Variants in AKR7A3 observed in about 807,000 individuals in gnomAD.
The protein encoded by AKR7A3 is aldo-keto reductase family 7 member A3.
In AKR7A3, 37 loss-of-function variants were observed where a neutral mutation model predicts 32.5. The ratio of observed to expected loss-of-function variants is 1.14; its 90% CI spans 0.88 to 1.50. AKR7A3 has a LOEUF of 1.50. Among genes scored for constraint, AKR7A3 ranks in the 40% most tolerant of loss-of-function variants. AKR7A3 has a pLI of 0.00. For missense variants in AKR7A3, 412 were observed against 453.2 expected (o/e 0.91, Z 0.83); for synonymous variants, 177 against 188.4 (o/e 0.94, Z 0.50).
At chr1:19,285,806 C>T (rs2093728526) in intron 3 of AKR7A3, 82 bp downstream of exon 3, 3 of 1,553,934 alleles carry the variant, frequency 1.9e-6, no homozygotes, top group African/African-American at 1.4e-5. Context: ...GCAGAGGGCA[C>T]AGGGGGCAGT....
At chr1:19,287,261 C>A (rs571244693) in intron 1 of AKR7A3, among the ~76,000 whole-genome samples, 1 of 150,028 alleles carries the variant, frequency 6.7e-6, no homozygotes, top group Non-Finnish European at 1.5e-5. Flanking sequence ...TGAGCCCTAT[C>A]GCACCACTCC....
chr1:19,285,133 CG>C lies in AKR7A3; in HGVS notation c.508-20del, dbSNP rs768463921. 47 of 1,612,462 alleles carry C rather than the reference CG, an allele frequency of 2.9e-5. No individual in the cohort carries two copies. In the Admixed American group the frequency reaches 4.5e-4, roughly 15 times the overall value. On this transcript the variant is annotated intron_variant, in intron 3 of 6. Coordinates refer to ENST00000361640, the MANE Select transcript of AKR7A3 (RefSeq NM_012067.3). ...ACATGCCCTGTAAGGAGAGGGGCCC[CG>C]GGGGAGAGGGTGGATGTGTCAAAAG...
At chr1:19,274,341 A>G in the AKR7A3 span, 1 of 564,532 alleles carries the variant, frequency 1.8e-6, no homozygotes, top group Non-Finnish European at 2.8e-6. Context: ...AGATTTTAAC[A>G]CTCCTCAAGT....
chr1:19,278,518 G>A (rs984261277), downstream of AKR7A3, among the ~76,000 whole-genome samples: 6 of 151,412 alleles, frequency 4.0e-5, no homozygotes, highest in Admixed American at 1.3e-4. Context: ...CCAAGATCGC[G>A]CCACTGCACT....
At chr1:19,275,505 G>T in the AKR7A3 span, among the ~76,000 whole-genome samples, 13 of 151,526 alleles carry the variant, frequency 8.6e-5, no homozygotes. Context: ...GACAAAGTAG[G>T]TTTCAAAACA....
At chr1:19,282,434 T>C, downstream of AKR7A3, 2 of 449,142 alleles carry the variant, frequency 4.5e-6, no homozygotes, top group Non-Finnish European at 8.1e-6. Context: ...CCTGAGGCCC[T>C]CACCAAGAGC....
chr1:19,284,993 A>T (rs59348345), intron 4 of AKR7A3, 25 bp downstream of exon 4: 142,541 of 1,611,606 alleles, frequency 0.088, 7,852 homozygotes, highest in African/African-American at 0.21. Context: ...ATAGGCTGAG[A>T]CAGGGCCAGG....
Position 19,286,292 on chromosome 1 carries a change from G to C in AKR7A3, c.295C>G (p.Leu99Val), listed in dbSNP as rs1390302410. 1.9e-6 allele frequency: 3 copies of C among 1,613,836 alleles called. No individual in the cohort carries two copies. In the African/African-American group the frequency reaches 4.0e-5, roughly 22 times the overall value. Residue 99 changes from leucine to valine, a missense_variant, in exon 2 of 7, where the codon CTG (leucine) becomes GTG (valine). By Grantham distance (32) the Leu-to-Val change is conservative. Coordinates refer to ENST00000361640, the MANE Select transcript of AKR7A3 (RefSeq NM_012067.3). ...DSLRFQLETS[L>V]KRLQCPRVDL... ...ACTCGGGGACACTGCAGCCGCTTCAGTGACGTCTCCAGCTGGAACCGGAGA... is the reference window on the plus strand; with the variant it reads ...ACTCGGGGACACTGCAGCCGCTTCACTGACGTCTCCAGCTGGAACCGGAGA...
At position 19,284,415 on chromosome 1, in the gene AKR7A3, A is replaced by C. The variant is rs1402992972; in HGVS notation, c.704+271T>G. ...CAGGACTCAGCCCCAGGCCTCCTGG[A>C]CCTCCCTCCAGAGCTCCTTCTTTCC... On this transcript the variant is annotated intron_variant, in intron 5 of 6. Transcript: ENST00000361640. Among the ~76,000 whole-genome samples the C allele has an allele frequency of 9.9e-5, 15 of 151,886 alleles. No homozygotes were observed. The East Asian group carries it at 1.9e-3, about 20-fold the overall frequency.
At chr1:19,280,760 C>A (rs531530199), downstream of AKR7A3, among the ~76,000 whole-genome samples, 2 of 151,314 alleles carry the variant, frequency 1.3e-5, no homozygotes, top group Non-Finnish European at 2.9e-5. Context: ...TCAGTAGAGA[C>A]GGGGTTTCAC....
chr1:19,288,592 G>A lies in AKR7A3; in HGVS notation c.118C>T (p.His40Tyr), dbSNP rs777710703. The change falls in exon 1 of 7, where the codon CAC (histidine) becomes TAC (tyrosine). Residue 40 changes from histidine (H) to tyrosine (Y), a missense_variant. Physicochemically the swap from His to Tyr is moderately conservative, Grantham distance 83. Coordinates refer to ENST00000361640, the MANE Select transcript of AKR7A3 (RefSeq NM_012067.3). Reference sequence around the variant, plus strand: ...ACGAAGGCCGTGTCTATCTCGGTGTGGCCGCGCTCCAGGAAGGCGCGCGTG... The same window carrying A: ...ACGAAGGCCGTGTCTATCTCGGTGTAGCCGCGCTCCAGGAAGGCGCGCGTG... ...AVTRAFLERG[H>Y]TEIDTAFVYS... 6.2e-7 allele frequency: 1 copy of A among 1,600,228 alleles called. No homozygotes were observed. The highest frequency in any genetic ancestry group is 8.5e-7 in the Non-Finnish European group (1 of 1,175,022).
rs750738851 is a variant in AKR7A3 at position 19,286,307 on chromosome 1, G to A, written c.280C>T (p.Gln94Ter). 2 of 1,613,896 alleles carry A rather than the reference G, an allele frequency of 1.2e-6. No homozygotes were observed. The highest frequency in any genetic ancestry group is 3.3e-5 in the Admixed American group (2 of 60,014). Residue 94 changes from glutamine (Q) to a stop codon, truncating the protein, a stop_gained, in exon 2 of 7, where the codon CAG becomes TAG. Coordinates refer to ENST00000361640, the MANE Select transcript of AKR7A3 (RefSeq NM_012067.3). LOFTEE classifies it high-confidence loss of function. ...AGCCGCTTCAGTGACGTCTCCAGCTGGAACCGGAGACTGTCAGGCTTCAGG... is the reference window on the plus strand; with the variant it reads ...AGCCGCTTCAGTGACGTCTCCAGCTAGAACCGGAGACTGTCAGGCTTCAGG... The part of the protein sequence containing the change: ...NSLKPDSLRF[Q>*]LETSLKRLQC...
At chr1:19,276,891 CACCTG>C in the AKR7A3 span, among the ~76,000 whole-genome samples, 2 of 151,700 alleles carry the variant, frequency 1.3e-5, no homozygotes, top group Non-Finnish European at 2.9e-5. Flanking sequence ...GCAGGCAGAT[CACCTG>C]AGGTTAGGGG....
At chr1:19,275,928 A>T in the AKR7A3 span, among the ~76,000 whole-genome samples, 1 of 152,062 alleles carries the variant, frequency 6.6e-6, no homozygotes, top group African/African-American at 2.4e-5. Context: ...AAAATAGAGC[A>T]TCAAATACAT....
chr1:19,284,779 A>C lies in AKR7A3; in HGVS notation c.611T>G (p.Leu204Arg). Residue 204 changes from leucine (L) to arginine (R), a missense_variant, in exon 5 of 7, where the codon CTG becomes CGG. By Grantham distance (102) the Leu-to-Arg change is moderately radical. Coordinates refer to ENST00000361640, the MANE Select transcript of AKR7A3 (RefSeq NM_012067.3). ...FYAFNPLAGG[L>R]LTGKYKYEDK... ...CTCATACTTGTACTTGCCGGTCAGC[A>C]GGCCCCCTGAGGGAAAGCAGCAATC... is the stretch of plus-strand genomic sequence containing the variant. 1 of 1,613,858 alleles carries C rather than the reference A, an allele frequency of 6.2e-7. No homozygotes were observed. The highest frequency in any genetic ancestry group is 1.1e-5 in the South Asian group (1 of 91,084).
rs1460337686 is a variant in AKR7A3, at chr1:19,286,202, G to A, written c.385C>T (p.His129Tyr). 10 of 1,612,720 alleles carry A rather than the reference G, an allele frequency of 6.2e-6. 1 individual carries two copies. In the African/African-American group the frequency reaches 1.1e-4, roughly 17 times the overall value. The change falls in exon 2 of 7, where the codon CAC becomes TAC. Residue 129 changes from histidine (H) to tyrosine (Y), a missense_variant. Physicochemically the swap from His to Tyr is moderately conservative, Grantham distance 83. Transcript: ENST00000361640. ...TPVEETLRAC[H>Y]QLHQEGKFVE... ...CCCCTCACCTCCTGGTGCAGCTGGTGGCAGGCACGCAGTGTCTCTTCCACC... is the reference window on the plus strand; with the variant it reads ...CCCCTCACCTCCTGGTGCAGCTGGTAGCAGGCACGCAGTGTCTCTTCCACC...
Position 19,283,315 on chromosome 1 carries a change from A to G in AKR7A3, c.835-423T>C, listed in dbSNP as rs532056229. ...GGAGTTGGATATAAGTGAGGAAGACATGAGGCACTGAGAGAGGGAAACTCC... is the reference window on the plus strand; with the variant it reads ...GGAGTTGGATATAAGTGAGGAAGACGTGAGGCACTGAGAGAGGGAAACTCC... On this transcript the variant is annotated intron_variant, in intron 6 of 6. Coordinates refer to ENST00000361640, the MANE Select transcript of AKR7A3 (RefSeq NM_012067.3). 2.2e-3 allele frequency among the ~76,000 whole-genome samples: 333 copies of G among 151,872 alleles called. 10 individuals carry two copies. Among genetic ancestry groups the G allele is most frequent in the African/African-American group, 7.8e-3 (321 of 41,138 alleles).
At chr1:19,281,838 G>A (rs1457535995), downstream of AKR7A3, among the ~76,000 whole-genome samples, 3 of 151,916 alleles carry the variant, frequency 2.0e-5, no homozygotes, top group Admixed American at 6.5e-5. Flanking sequence ...ACATTTTCAC[G>A]CCTGCCCTAC....
At chr1:19,283,846 T>A in intron 6 of AKR7A3, 150 bp downstream of exon 6, 2 of 1,344,776 alleles carry the variant, frequency 1.5e-6, no homozygotes, top group Non-Finnish European at 9.9e-7. Flanking sequence ...AAAAAAAACA[T>A]AGAAAAAGAC....
Sources: allele counts gnomAD v4.1 joint callset (sites outside exome capture counted in the v4.1 genomes callset), GRCh38; gene constraint gnomAD v4.1.1; transcripts MANE v1.5; gene names NCBI Gene and HGNC (gene_info 2026-07-23, HGNC 2026-07-21).